Variants in PALM2AKAP2 observed in about 807,000 individuals in gnomAD.
PALM2AKAP2 encodes the protein PALM2 and AKAP2 fusion.
A neutral mutation model predicts 71.5 loss-of-function variants in PALM2AKAP2; 37 were observed. The ratio of observed to expected loss-of-function variants is 0.52; its 90% CI spans 0.40 to 0.68. The LOEUF (loss-of-function observed/expected upper bound fraction) is 0.68. Among genes scored for constraint, PALM2AKAP2 ranks in the 30% least tolerant of loss-of-function variants. PALM2AKAP2 has a pLI of 0.00. For synonymous variants in PALM2AKAP2, 468 were observed against 478.8 expected, an observed-to-expected ratio of 0.98 and a Z score of 0.29; for missense variants, 1,224 against 1,191.8, an observed-to-expected ratio of 1.03 and a Z score of -0.40.
intron 1 of PALM2AKAP2, among the ~76,000 whole-genome samples, chr9:109,745,790 C>T (rs1343130077): frequency 6.6e-6 from 1 of 152,130 alleles, no homozygotes; most frequent in South Asian, 2.1e-4. Context: ...ACTTGATTTA[C>T]GCAATGGTCT....
exon 2 of PALM2AKAP2, chr9:110,136,134 C>T: frequency 6.3e-7 from 1 of 1,575,180 alleles, no homozygotes; most frequent in South Asian, 1.2e-5. Flanking sequence ...CAGAAGCCTC[C>T]CCAGCTTTCT....
chr9:110,075,437 G>A (rs1054399490), intron 1 of PALM2AKAP2, among the ~76,000 whole-genome samples: 2 of 152,016 alleles, frequency 1.3e-5, no homozygotes, highest in African/African-American at 4.8e-5. Context: ...AATAATGCAT[G>A]CTTATTATAG....
rs72079683 is a variant in PALM2AKAP2, at chr9:110,038,329, A to AAAACAAACAAAC, written c.582+22310_582+22321dup. ...TGGGTGACAGAGTGACCCTGTCTCAAAAACAAACAAACAAACAAACAAACA... is the reference window on the plus strand; with the variant it reads ...TGGGTGACAGAGTGACCCTGTCTCAAAAACAAACAAACAAACAAACAAACAAACAAACAAACA... On this transcript the variant is annotated intron_variant, in intron 7 of 9. Transcript: ENST00000302798. Among the ~76,000 whole-genome samples, 832 of 151,440 alleles carry AAAACAAACAAAC rather than the reference A, an allele frequency of 5.5e-3. 12 individuals are homozygous for AAAACAAACAAAC. The highest frequency in any genetic ancestry group is 0.019 in the African/African-American group (782 of 41,284).
intron 7 of PALM2AKAP2, chr9:110,025,452 C>A: frequency 1.5e-6 from 1 of 656,462 alleles, no homozygotes. Flanking sequence ...TTGTTTCTAC[C>A]TTCTGGCAGT....
intron 1 of PALM2AKAP2, among the ~76,000 whole-genome samples, chr9:109,714,289 T>TGTCCCTCTACTCCCTCC (rs1389252655): frequency 6.6e-6 from 1 of 152,206 alleles, no homozygotes; most frequent in African/African-American, 2.4e-5. Flanking sequence ...GAAATCTCTC[T>TGTCCCTCTACTCCCTCC]GTCCCTCTAC....
chr9:110,073,104 C>T (rs966666558), intron 1 of PALM2AKAP2, among the ~76,000 whole-genome samples: 1 of 152,192 alleles, frequency 6.6e-6, no homozygotes, highest in African/African-American at 2.4e-5. Flanking sequence ...AAGAAAATTA[C>T]AATTGATTCT....
intron 1 of PALM2AKAP2, chr9:110,125,379 C>T (rs1269150511): frequency 1.9e-6 from 1 of 522,262 alleles, no homozygotes; most frequent in Non-Finnish European, 2.5e-6. Flanking sequence ...CCAGCTCCGG[C>T]CAGCCAGGGA....
chr9:109,815,539 C>T (rs1827830775), intron 1 of PALM2AKAP2, among the ~76,000 whole-genome samples: 1 of 152,050 alleles, frequency 6.6e-6, no homozygotes, highest in Admixed American at 6.6e-5. Flanking sequence ...TAGACAGAAA[C>T]AGGGGGGTAG....
At position 109,734,819 on chromosome 9, in the gene PALM2AKAP2, A is replaced by T. The variant is rs529576041; in HGVS notation, c.6-45669A>T. Among the ~76,000 whole-genome samples, 6 of 152,294 alleles carry T rather than the reference A, an allele frequency of 3.9e-5. No homozygotes were observed. In the South Asian group the frequency reaches 1.2e-3, roughly 32 times the overall value. On this transcript the variant is annotated intron_variant, in intron 1 of 6. Transcript: ENST00000374531. ...GTTACTTTGCAAAATGGCCAAAAGC[A>T]TTTGCAGCACACGGAAAGAGGGTCC... is the stretch of plus-strand genomic sequence containing the variant.
Position 110,111,802 on chromosome 9 carries a change from A to G in PALM2AKAP2, c.157-24325A>G, listed in dbSNP as rs143842598. Among the ~76,000 whole-genome samples, 20 of 152,320 alleles carry G rather than the reference A, an allele frequency of 1.3e-4. 1 individual carries two copies. Among genetic ancestry groups the G allele is most frequent in the African/African-American group, 4.6e-4 (19 of 41,572 alleles). ...ACATTTTAAAATACAACAAAGCTGC[A>G]TCATCCTCCAGTCAACGTTTTGGTT... On this transcript the variant is annotated intron_variant, in intron 1 of 3. Coordinates refer to ENST00000374525, the Ensembl canonical transcript of PALM2AKAP2.
At chr9:109,706,254 T>C (rs1205679618) in intron 1 of PALM2AKAP2, among the ~76,000 whole-genome samples, 1 of 152,218 alleles carries the variant, frequency 6.6e-6, no homozygotes, top group Non-Finnish European at 1.5e-5. Flanking sequence ...ACTTGATTCC[T>C]CAGTAATACT....
chr9:109,919,021 G>A (rs1053037557), intron 3 of PALM2AKAP2, among the ~76,000 whole-genome samples: 1 of 152,238 alleles, frequency 6.6e-6, no homozygotes, highest in Admixed American at 6.5e-5. Flanking sequence ...AGACAGGCCA[G>A]CCAGTGGGCA....
intron 2 of PALM2AKAP2, among the ~76,000 whole-genome samples, chr9:110,143,916 AG>A (rs1836097714): frequency 6.6e-6 from 1 of 152,240 alleles, no homozygotes; most frequent in South Asian, 2.1e-4. Flanking sequence ...TAAGCTGTAC[AG>A]GAAGTGTTGA....
chr9:110,118,003 G>GTGTGTGTGTGTA (rs1163768168), intron 1 of PALM2AKAP2, among the ~76,000 whole-genome samples: 1 of 151,174 alleles, frequency 6.6e-6, no homozygotes, highest in African/African-American at 2.4e-5. Flanking sequence ...GTGTGTGTGT[G>GTGTGTGTGTGTA]TGTGTGTATG....
chr9:110,162,443 T>C (rs1405581150), intron 3 of PALM2AKAP2, among the ~76,000 whole-genome samples: 1 of 152,202 alleles, frequency 6.6e-6, no homozygotes, highest in Non-Finnish European at 1.5e-5. Flanking sequence ...TGGGCTATTT[T>C]GGTTTTTAAA....
At chr9:109,781,561 G>A (rs894975107) in intron 1 of PALM2AKAP2, among the ~76,000 whole-genome samples, 30 of 152,148 alleles carry the variant, frequency 2.0e-4, no homozygotes, top group African/African-American at 6.0e-4. Context: ...ATATTAAAGC[G>A]TTTTCCAAAA....
chr9:109,695,223 A>C (rs1221471309), intron 1 of PALM2AKAP2, among the ~76,000 whole-genome samples: 2 of 152,226 alleles, frequency 1.3e-5, no homozygotes, highest in Admixed American at 1.3e-4. Context: ...CAAAGTCAAA[A>C]GCGACTTAGG....
intron 1 of PALM2AKAP2, among the ~76,000 whole-genome samples, chr9:109,861,627 C>A (rs927760327): frequency 6.6e-6 from 1 of 152,244 alleles, no homozygotes. Context: ...CACACTGCCC[C>A]GAATGGTTGC....
At chr9:110,035,630 A>G (rs1440691756) in intron 7 of PALM2AKAP2, among the ~76,000 whole-genome samples, 1 of 130,746 alleles carries the variant, frequency 7.6e-6, no homozygotes, top group Non-Finnish European at 1.6e-5. Context: ...CATATATAGG[A>G]TATGTTGTGT....
Sources: gnomAD v4.1 joint callset for allele counts (sites outside exome capture counted in the v4.1 genomes callset) on GRCh38, gnomAD v4.1.1 for gene constraint, MANE v1.5 for transcripts, NCBI Gene and HGNC (gene_info 2026-07-23, HGNC 2026-07-21) for gene names.